Variants in RPS6KC1 observed in about 807,000 individuals in gnomAD.
RPS6KC1 encodes the protein ribosomal protein S6 kinase C1.
Under a neutral mutation model 103.8 loss-of-function variants are expected in RPS6KC1, and 54 were observed. That is an observed-to-expected ratio of 0.52 (90% CI 0.42 to 0.65). The LOEUF is 0.65. RPS6KC1 is among the 30% of genes least tolerant of loss of function. The pLI, the probability that RPS6KC1 is intolerant of heterozygous loss-of-function variation, is 0.00. For missense variants in RPS6KC1, 1,151 were observed against 1,253.8 expected, an observed-to-expected ratio of 0.92 and a Z score of 1.24; for synonymous variants, 439 against 438.7, an observed-to-expected ratio of 1.00 and a Z score of -0.01.
chr1:213,819,877 T>C, the RPS6KC1 span: 2 of 152,240 alleles, frequency 1.3e-5, no homozygotes, highest in South Asian at 4.2e-4. Flanking sequence ...ATAAATAGAA[T>C]TTGAGAAATT....
At chr1:213,461,092 C>T in the RPS6KC1 span, among the ~76,000 whole-genome samples, 1 of 152,158 alleles carries the variant, frequency 6.6e-6, no homozygotes, top group Non-Finnish European at 1.5e-5. Flanking sequence ...AGCAAAGTCT[C>T]AGATACAAAA....
At chr1:213,192,005 C>T (rs2092766319) in intron 8 of RPS6KC1, among the ~76,000 whole-genome samples, 1 of 151,942 alleles carries the variant, frequency 6.6e-6, no homozygotes, top group African/African-American at 2.4e-5. Flanking sequence ...CTGCCCGATT[C>T]AGCCTCCCAA....
the RPS6KC1 span, among the ~76,000 whole-genome samples, chr1:213,394,900 G>A: frequency 6.6e-6 from 1 of 152,364 alleles, no homozygotes; most frequent in African/African-American, 2.4e-5. Context: ...AAACAGTGCA[G>A]CTGCCCCTCA....
chr1:213,300,816 T>G, the RPS6KC1 span, among the ~76,000 whole-genome samples: 1 of 152,192 alleles, frequency 6.6e-6, no homozygotes, highest in Non-Finnish European at 1.5e-5. Context: ...TCGCCAAATA[T>G]CAGCATTTTA....
the RPS6KC1 span, among the ~76,000 whole-genome samples, chr1:213,656,395 G>C: frequency 2.6e-5 from 4 of 152,338 alleles, no homozygotes; most frequent in African/African-American, 9.6e-5. Context: ...AAAACAGGAT[G>C]AAAAGAACAA....
the RPS6KC1 span, among the ~76,000 whole-genome samples, chr1:213,317,132 T>C: frequency 6.6e-6 from 1 of 152,216 alleles, no homozygotes; most frequent in African/African-American, 2.4e-5. Flanking sequence ...GAATATATGA[T>C]ATTAAAATAC....
At chr1:213,199,284 C>T (rs2093063892) in intron 8 of RPS6KC1, among the ~76,000 whole-genome samples, 1 of 152,178 alleles carries the variant, frequency 6.6e-6, no homozygotes, top group South Asian at 2.1e-4. Flanking sequence ...CATTAAAAAG[C>T]TTATCCACCA....
At chr1:213,603,012 C>A in the RPS6KC1 span, among the ~76,000 whole-genome samples, 1 of 152,194 alleles carries the variant, frequency 6.6e-6, no homozygotes, top group African/African-American at 2.4e-5. Context: ...GAACTGTGTC[C>A]TGTTGTGTTA....
the RPS6KC1 span, among the ~76,000 whole-genome samples, chr1:213,518,633 G>A: frequency 2.6e-5 from 4 of 152,136 alleles, no homozygotes; most frequent in African/African-American, 9.7e-5. Flanking sequence ...ACTAAACATC[G>A]TAAAACCTTC....
At chr1:213,357,101 C>T in the RPS6KC1 span, among the ~76,000 whole-genome samples, 1 of 151,786 alleles carries the variant, frequency 6.6e-6, no homozygotes, top group Non-Finnish European at 1.5e-5. Flanking sequence ...ATCTGTGCAG[C>T]ACCTACATCG....
At chr1:213,520,989 T>C in the RPS6KC1 span, among the ~76,000 whole-genome samples, 15 of 152,342 alleles carry the variant, frequency 9.8e-5, no homozygotes, top group Admixed American at 5.9e-4. Context: ...AGTCTATACC[T>C]AGTGCATTGT....
At chr1:213,132,569 G>A (rs937136586) in intron 6 of RPS6KC1, among the ~76,000 whole-genome samples, 1 of 152,166 alleles carries the variant, frequency 6.6e-6, no homozygotes, top group African/African-American at 2.4e-5. Context: ...AATTTCTGGG[G>A]AAACTGGGGG....
At chr1:213,599,470 G>C in the RPS6KC1 span, among the ~76,000 whole-genome samples, 19 of 148,406 alleles carry the variant, frequency 1.3e-4, no homozygotes, top group African/African-American at 4.7e-4. Flanking sequence ...GGTAGAACGA[G>C]GGGGGGAAAA....
chr1:213,738,913 A>T, the RPS6KC1 span, among the ~76,000 whole-genome samples: 1 of 151,572 alleles, frequency 6.6e-6, no homozygotes, highest in Admixed American at 6.6e-5. Flanking sequence ...AAACTGAAGA[A>T]ATGTCTAAGG....
chr1:213,137,011 T>C (rs2086346320), intron 6 of RPS6KC1, among the ~76,000 whole-genome samples: 1 of 152,156 alleles, frequency 6.6e-6, no homozygotes, highest in Non-Finnish European at 1.5e-5. Context: ...CTTTTTTCTA[T>C]TCCCATTCCT....
At chr1:213,662,428 A>ATTTTTTTTTT in the RPS6KC1 span, among the ~76,000 whole-genome samples, 98 of 120,868 alleles carry the variant, frequency 8.1e-4, no homozygotes, top group East Asian at 1.2e-3. Flanking sequence ...CACCTGGCTA[A>ATTTTTTTTTT]TTTTTTTTTT....
At chr1:213,364,864 A>G in the RPS6KC1 span, among the ~76,000 whole-genome samples, 2 of 152,088 alleles carry the variant, frequency 1.3e-5, no homozygotes, top group South Asian at 2.1e-4. Flanking sequence ...AGGCTGAGGT[A>G]GGAGAATGGC....
the RPS6KC1 span, among the ~76,000 whole-genome samples, chr1:213,745,912 A>G: frequency 1.3e-5 from 2 of 152,018 alleles, no homozygotes; most frequent in African/African-American, 4.8e-5. Context: ...TGTACCCGGG[A>G]CCCTGTGCTC....
the RPS6KC1 span, among the ~76,000 whole-genome samples, chr1:213,750,876 T>A: frequency 1.3e-5 from 2 of 152,180 alleles, no homozygotes; most frequent in African/African-American, 4.8e-5. Context: ...AATTCCACCT[T>A]TTATCTTTCT....
Sources: allele counts gnomAD v4.1 joint callset (sites outside exome capture counted in the v4.1 genomes callset), GRCh38; gene constraint gnomAD v4.1.1; transcripts MANE v1.5; gene names NCBI Gene and HGNC (gene_info 2026-07-23, HGNC 2026-07-21).